DOCK10: variants seen among roughly 807,000 people sequenced by gnomAD.
The protein encoded by DOCK10 is dedicator of cytokinesis 10.
A neutral mutation model predicts 280.1 loss-of-function variants in DOCK10; 145 were observed. The ratio of observed to expected loss-of-function variants is 0.52; its 90% CI spans 0.45 to 0.59. DOCK10 has a LOEUF of 0.59. Among genes scored for constraint, DOCK10 ranks in the 20% least tolerant of loss-of-function variants. The probability of loss-of-function intolerance (pLI) is 0.00; values close to 1 mark genes in which losing one functional copy is unlikely to be tolerated. For missense variants in DOCK10, 2,368 were observed against 2,651.7 expected, an observed-to-expected ratio of 0.89 and a Z score of 2.35; for synonymous variants, 915 against 942.2, an observed-to-expected ratio of 0.97 and a Z score of 0.53.
At chr2:225,012,768 C>G (rs639729) in intron 1 of DOCK10, among the ~76,000 whole-genome samples, 68,519 of 151,994 alleles carry the variant, frequency 0.45, 16,479 homozygotes, top group South Asian at 0.6. Flanking sequence ...ACAAACTAAT[C>G]TTTACAAAAA....
chr2:224,796,473 T>C (rs750862306), intron 43 of DOCK10, 47 bp from the exon 44 acceptor site: 50 of 1,240,330 alleles, frequency 4.0e-5, no homozygotes, highest in Middle Eastern at 3.7e-4. Flanking sequence ...CCAGAAATAG[T>C]CTTCTTAAAG....
At chr2:224,850,228 A>G (rs1306486546) in intron 18 of DOCK10, among the ~76,000 whole-genome samples, 2 of 152,108 alleles carry the variant, frequency 1.3e-5, no homozygotes, top group African/African-American at 2.4e-5. Flanking sequence ...TTCTTTCCTG[A>G]GTGTGTTCTT....
intron 1 of DOCK10, among the ~76,000 whole-genome samples, chr2:224,992,901 T>C (rs1422451166): frequency 6.6e-6 from 1 of 152,256 alleles, no homozygotes; most frequent in Non-Finnish European, 1.5e-5. Flanking sequence ...AGAACACCAA[T>C]GACCAGTGGC....
intron 1 of DOCK10, among the ~76,000 whole-genome samples, chr2:225,029,706 T>C (rs1173781858): frequency 6.6e-6 from 1 of 152,224 alleles, no homozygotes; most frequent in Non-Finnish European, 1.5e-5. Context: ...AAAGCATGTT[T>C]TTGTGAAGAG....
chr2:224,931,239 G>A (rs1044574617), intron 2 of DOCK10, among the ~76,000 whole-genome samples: 6 of 152,232 alleles, frequency 3.9e-5, no homozygotes, highest in African/African-American at 1.4e-4. Context: ...GGGAGGAAGT[G>A]CTCTGTGAGT....
intron 31 of DOCK10, among the ~76,000 whole-genome samples, chr2:224,808,408 T>C (rs1350350623): frequency 6.6e-6 from 1 of 152,110 alleles, no homozygotes; most frequent in Non-Finnish European, 1.5e-5. Flanking sequence ...TCAGGATATG[T>C]TATAAGTAGG....
chr2:224,900,644 A>G (rs1458102727), intron 3 of DOCK10, among the ~76,000 whole-genome samples: 2 of 152,216 alleles, frequency 1.3e-5, no homozygotes, highest in African/African-American at 2.4e-5. Context: ...CTGCCATTTA[A>G]TAGCTGTGGG....
rs16866395 is a variant in DOCK10 at position 224,955,575 on chromosome 2, T to G, written c.124-23907A>C. On this transcript the variant is annotated intron_variant, in intron 1 of 55. Coordinates refer to ENST00000258390, the MANE Select transcript of DOCK10 (RefSeq NM_014689.3). ...GGCACCGTAATGCATTTGTGTCTTT[T>G]AAGGCCTCCACCAGGAGATAAAGCT... 5.2e-3 allele frequency among the ~76,000 whole-genome samples: 785 copies of G among 152,372 alleles called. 5 individuals carry two copies. The highest frequency in any genetic ancestry group is 0.018 in the African/African-American group (743 of 41,584).
chr2:224,797,757 G>T (rs1692683969), intron 42 of DOCK10, 75 bp downstream of exon 42: 1 of 1,489,052 alleles, frequency 6.7e-7, no homozygotes. Flanking sequence ...GAAACGCAAG[G>T]ATTCCTATAG....
In DOCK10 at chr2:224,839,426, A is replaced by G. The variant is rs561710613; in HGVS notation, c.2780+528T>C. Among the ~76,000 whole-genome samples the G allele has an allele frequency of 3.8e-4, 58 of 152,190 alleles. 1 individual carries two copies. The South Asian group carries it at 4.2e-3, about 11-fold the overall frequency. The stretch of plus-strand genomic sequence containing the variant: ...CCAGCCGTTCATAGCACTTTTATTC[A>G]TAACAGCCCTAAACTAGAGACACTC... On this transcript the variant is annotated intron_variant, in intron 24 of 55. Transcript: ENST00000258390.
Position 225,042,271 on chromosome 2 carries a change from C to A in DOCK10, c.104G>T (p.Ser35Ile). The change falls in exon 1 of 56, where the codon AGC (serine) becomes ATC (isoleucine). Residue 35 changes from serine to isoleucine, a missense_variant. Ser to Ile is a moderately radical substitution (Grantham distance 142). Coordinates refer to ENST00000258390, the MANE Select transcript of DOCK10 (RefSeq NM_014689.3). This position sits in a 1 kb window ranked among gnomAD's most constrained non-coding sequence, Gnocchi z 5.1. Reference protein sequence around the residue: ...SAASAAAVAVSSRQQQRQEKP... With the variant: ...SAASAAAVAVISRQQQRQEKP... ...ACTCACCCGCTGCTGCTGCCGGCTG[C>A]TGACTGCCACCGCGGCGGCGGACGC... 7.5e-7 allele frequency: 1 copy of A among 1,328,700 alleles called. No homozygotes were observed. Among genetic ancestry groups the A allele is most frequent in the Non-Finnish European group, 9.6e-7 (1 of 1,038,912 alleles). 82.3% of individuals were successfully genotyped at this position (1,328,700 alleles called of 1,614,324 possible). A position where few individuals can be genotyped will look rare whatever the true frequency, so the allele number is the denominator to read the frequency against.
At chr2:224,996,271 A>G (rs1385262336) in intron 1 of DOCK10, among the ~76,000 whole-genome samples, 2 of 152,210 alleles carry the variant, frequency 1.3e-5, no homozygotes, top group African/African-American at 4.8e-5. Flanking sequence ...AAAATATGAC[A>G]ACTGAATTAG....
chr2:224,998,531 T>C (rs1188597005), intron 1 of DOCK10, among the ~76,000 whole-genome samples: 1 of 152,008 alleles, frequency 6.6e-6, no homozygotes, highest in African/African-American at 2.4e-5. Context: ...CCATCAATCA[T>C]TCCTCTCCCC....
At chr2:224,921,112 A>AAAAAAAAAAAAAT in intron 2 of DOCK10, among the ~76,000 whole-genome samples, 5 of 54,418 alleles carry the variant, frequency 9.2e-5, no homozygotes, top group Admixed American at 1.9e-4. Context: ...AAAAAAAAAA[A>AAAAAAAAAAAAAT]ATATATATAT....
chr2:224,898,743 AT>A (rs554015280), intron 3 of DOCK10, among the ~76,000 whole-genome samples: 3 of 152,078 alleles, frequency 2.0e-5, no homozygotes, highest in Admixed American at 2.0e-4. Context: ...CGCCGGGCTA[AT>A]TTTTTGTATT....
chr2:224,912,540 G>T (rs537424400), intron 3 of DOCK10, among the ~76,000 whole-genome samples: 263 of 152,216 alleles, frequency 1.7e-3, no homozygotes, highest in South Asian at 3.7e-3. Context: ...TATATAAGTT[G>T]AAAATCAATC....
At chr2:224,932,174 C>G (rs985447662) in intron 1 of DOCK10, among the ~76,000 whole-genome samples, 3 of 152,174 alleles carry the variant, frequency 2.0e-5, no homozygotes, top group Admixed American at 1.3e-4. Flanking sequence ...GGATTAATTG[C>G]TTGGCTCTGA....
chr2:224,871,973 G>A (rs1222176890), intron 11 of DOCK10, among the ~76,000 whole-genome samples: 3 of 152,086 alleles, frequency 2.0e-5, no homozygotes, highest in Non-Finnish European at 4.4e-5. Context: ...GTTACTTCCT[G>A]TTTTCCCAGT....
At chr2:224,973,491 A>AT (rs1705214367) in intron 1 of DOCK10, among the ~76,000 whole-genome samples, 1 of 152,108 alleles carries the variant, frequency 6.6e-6, no homozygotes, top group Non-Finnish European at 1.5e-5. Context: ...AAGATGAACC[A>AT]GGACCACAAA....
Sources: gnomAD v4.1 joint callset for allele counts (sites outside exome capture counted in the v4.1 genomes callset) on GRCh38, gnomAD v4.1.1 for gene constraint, Gnocchi (gnomAD v3.1) non-coding constraint, MANE v1.5 for transcripts, NCBI Gene and HGNC (gene_info 2026-07-23, HGNC 2026-07-21) for gene names.